FBXL17: variants seen among roughly 807,000 people sequenced by gnomAD.
FBXL17 encodes F-box and leucine rich repeat protein 17, also known as F-box/LRR-repeat protein 17.
In FBXL17, 22 loss-of-function variants were observed where a neutral mutation model predicts 66.2. The observed-to-expected ratio is 0.33, with a 90% CI of 0.24 to 0.47. FBXL17 has a LOEUF of 0.47. Among genes scored for constraint, FBXL17 ranks in the 20% least tolerant of loss-of-function variants. FBXL17 has a pLI of 1.00. For synonymous variants in FBXL17, 474 were observed against 400.5 expected (o/e 1.18, Z -2.19); for missense variants, 878 against 948.2 (o/e 0.93, Z 0.97).
chr5:108,340,984 C>T (rs948354278), intron 4 of FBXL17, among the ~76,000 whole-genome samples: 7 of 152,048 alleles, frequency 4.6e-5, no homozygotes, highest in South Asian at 4.1e-4. Flanking sequence ...TATCTTAGTA[C>T]CATATTGTAT....
intron 6 of FBXL17, among the ~76,000 whole-genome samples, chr5:108,141,332 C>G (rs1295483503): frequency 6.6e-6 from 1 of 152,074 alleles, no homozygotes; most frequent in African/African-American, 2.4e-5. Context: ...ACACACAGAC[C>G]CAGAAGTTTC....
chr5:108,159,457 T>C (rs1327541128), intron 6 of FBXL17, among the ~76,000 whole-genome samples: 4 of 152,100 alleles, frequency 2.6e-5, no homozygotes, highest in African/African-American at 2.4e-5. Context: ...TGGGAAGTGA[T>C]TGGTCAGAGG....
At chr5:107,878,169 A>C in intron 8 of FBXL17, 1 of 877,728 alleles carries the variant, frequency 1.1e-6, no homozygotes, top group Non-Finnish European at 1.4e-6. Flanking sequence ...TGTATAAAAA[A>C]TAATCTTAAT....
At chr5:108,159,916 T>G (rs1396852628) in intron 6 of FBXL17, among the ~76,000 whole-genome samples, 1 of 152,186 alleles carries the variant, frequency 6.6e-6, no homozygotes, top group African/African-American at 2.4e-5. Context: ...CCAGGATTAT[T>G]TTCTCATTAG....
In FBXL17 at chr5:108,052,128, A is replaced by G. The variant is rs547397712; in HGVS notation, c.1746-31127T>C. On this transcript the variant is annotated intron_variant, in intron 6 of 8. Coordinates refer to ENST00000542267, the MANE Select transcript of FBXL17 (RefSeq NM_001163315.3). The stretch of plus-strand genomic sequence containing the variant: ...ACTTCGTCTCAAAAAAAAAAAAAAA[A>G]AAAAAAGAAAAAAGAAAAAAGACAA... Among the ~76,000 whole-genome samples, 117 of 46,316 alleles carry G rather than the reference A, an allele frequency of 2.5e-3. 1 individual carries two copies. The highest frequency in any genetic ancestry group is 0.023 in the South Asian group (43 of 1,860). The allele number at this position is 46,316 out of a possible 152,430, so 30.4% of individuals were successfully genotyped here.
At chr5:108,227,953 A>C (rs998040019) in intron 4 of FBXL17, among the ~76,000 whole-genome samples, 1 of 152,186 alleles carries the variant, frequency 6.6e-6, no homozygotes, top group Non-Finnish European at 1.5e-5. Context: ...GCTCAATTTC[A>C]GTCTAACATT....
intron 4 of FBXL17, among the ~76,000 whole-genome samples, chr5:108,238,349 T>G (rs922134609): frequency 1.3e-5 from 2 of 152,230 alleles, no homozygotes; most frequent in Non-Finnish European, 2.9e-5. Context: ...GTTCGTGTTA[T>G]GCGCTAAGTA....
At chr5:108,226,238 C>G (rs931897965) in intron 4 of FBXL17, among the ~76,000 whole-genome samples, 4 of 152,200 alleles carry the variant, frequency 2.6e-5, no homozygotes, top group African/African-American at 9.6e-5. Context: ...TCAGTCTTAG[C>G]ACTGAAAAGT....
chr5:108,375,498 G>A (rs547055924), intron 1 of FBXL17, among the ~76,000 whole-genome samples: 45 of 152,032 alleles, frequency 3.0e-4, no homozygotes, highest in Admixed American at 1.6e-3. Context: ...ACAATTATAA[G>A]AGAATACTAT....
At chr5:107,993,940 C>T (rs1753367007) in intron 7 of FBXL17, among the ~76,000 whole-genome samples, 1 of 152,020 alleles carries the variant, frequency 6.6e-6, no homozygotes, top group Non-Finnish European at 1.5e-5. Context: ...ATATACATTC[C>T]CCTCATAGTG....
intron 4 of FBXL17, among the ~76,000 whole-genome samples, chr5:108,333,194 T>A (rs1227661801): frequency 6.7e-6 from 1 of 149,036 alleles, no homozygotes; most frequent in Non-Finnish European, 1.5e-5. Flanking sequence ...ATTCTGAAAT[T>A]TCCCAAGCAT....
At chr5:108,256,150 C>G (rs1756568795) in intron 4 of FBXL17, among the ~76,000 whole-genome samples, 1 of 152,152 alleles carries the variant, frequency 6.6e-6, no homozygotes, top group African/African-American at 2.4e-5. Context: ...TATATCTCAT[C>G]TCCTGACAAG....
At chr5:108,266,338 C>A (rs1465174832) in intron 4 of FBXL17, among the ~76,000 whole-genome samples, 1 of 152,094 alleles carries the variant, frequency 6.6e-6, no homozygotes, top group Non-Finnish European at 1.5e-5. Flanking sequence ...TTTTCACTTT[C>A]ATATCACTCT....
intron 6 of FBXL17, among the ~76,000 whole-genome samples, chr5:108,088,963 C>G (rs765711738): frequency 2.0e-5 from 3 of 152,140 alleles, no homozygotes; most frequent in Admixed American, 2.0e-4. Context: ...TTTTGACAGG[C>G]CTCCTCCCAA....
At chr5:108,143,491 G>T (rs1190848877) in intron 6 of FBXL17, among the ~76,000 whole-genome samples, 1 of 151,960 alleles carries the variant, frequency 6.6e-6, no homozygotes, top group Non-Finnish European at 1.5e-5. Flanking sequence ...CAGATGTTTG[G>T]TCACAATGGA....
intron 7 of FBXL17, among the ~76,000 whole-genome samples, chr5:107,980,484 T>C (rs976433045): frequency 1.3e-5 from 2 of 149,148 alleles, no homozygotes; most frequent in Non-Finnish European, 3.0e-5. Flanking sequence ...TACAAGCTCA[T>C]GCCACCATGC....
chr5:107,880,796 T>C, intron 8 of FBXL17: 2 of 1,351,478 alleles, frequency 1.5e-6, no homozygotes, highest in Non-Finnish European at 1.9e-6. Context: ...ATGTATATGA[T>C]TACTTTTTCT....
chr5:107,915,739 G>A (rs12514884), intron 7 of FBXL17, among the ~76,000 whole-genome samples: 21,557 of 152,118 alleles, frequency 0.14, 1,669 homozygotes, highest in East Asian at 0.23. Flanking sequence ...CTCTAGCCTC[G>A]TCTGCTGCCT....
At chr5:107,990,689 T>C (rs1371497500) in intron 7 of FBXL17, among the ~76,000 whole-genome samples, 1 of 152,206 alleles carries the variant, frequency 6.6e-6, no homozygotes, top group African/African-American at 2.4e-5. Context: ...TATTAGTTAC[T>C]ATTATGAATA....
Sources: gnomAD v4.1 joint callset for allele counts (sites outside exome capture counted in the v4.1 genomes callset) on GRCh38, gnomAD v4.1.1 for gene constraint, MANE v1.5 for transcripts, NCBI Gene and HGNC (gene_info 2026-07-23, HGNC 2026-07-21) for gene names.